Variants in SLC8A1 observed in about 807,000 individuals in gnomAD.
SLC8A1 encodes sodium/calcium exchanger 1.
In SLC8A1, 18 loss-of-function variants were observed where a neutral mutation model predicts 68.3. The ratio of observed to expected loss-of-function variants is 0.26; its 90% CI spans 0.18 to 0.39. SLC8A1 has a LOEUF of 0.39. Among genes scored for constraint, SLC8A1 ranks in the 10% least tolerant of loss-of-function variants. SLC8A1 has a pLI of 1.00. For missense variants in SLC8A1, 985 were observed against 1,156.7 expected (o/e 0.85, Z 2.15); for synonymous variants, 475 against 415.5 (o/e 1.14, Z -1.74).
chr2:40,178,530 G>A, intron 2 of SLC8A1, 37 bp from the exon 3 acceptor site: 2 of 1,535,864 alleles, frequency 1.3e-6, no homozygotes, highest in Non-Finnish European at 1.8e-6. Context: ...ACAAGGGGAA[G>A]AGGAAAGAGA....
intron 2 of SLC8A1, among the ~76,000 whole-genome samples, chr2:40,324,444 T>A (rs1276608696): frequency 1.3e-5 from 2 of 152,160 alleles, no homozygotes; most frequent in Admixed American, 1.3e-4. Context: ...GTTGTACACT[T>A]AAACAGGATC....
intron 1 of SLC8A1, among the ~76,000 whole-genome samples, chr2:40,504,695 C>T (rs1706258145): frequency 6.6e-6 from 1 of 151,950 alleles, no homozygotes; most frequent in African/African-American, 2.4e-5. Flanking sequence ...AAATGGTAAA[C>T]AAGCATATGA....
chr2:40,288,689 G>A (rs144169856), intron 2 of SLC8A1, among the ~76,000 whole-genome samples: 313 of 152,156 alleles, frequency 2.1e-3, no homozygotes, highest in Middle Eastern at 0.014. Flanking sequence ...GTATAGGCAA[G>A]TGCTACAAAT....
chr2:40,322,323 T>C (rs185617530), intron 2 of SLC8A1, among the ~76,000 whole-genome samples: 16 of 151,996 alleles, frequency 1.1e-4, no homozygotes, highest in Non-Finnish European at 1.6e-4. Flanking sequence ...AATCCATATA[T>C]AATTTTTGAA....
upstream of SLC8A1, among the ~76,000 whole-genome samples, chr2:40,455,706 G>A (rs1365594830): frequency 6.6e-6 from 1 of 152,202 alleles, no homozygotes; most frequent in East Asian, 1.9e-4. Context: ...CTTTGGGGAT[G>A]ACTTTGAGAA....
chr2:40,493,223 T>C (rs531108167), intron 1 of SLC8A1, among the ~76,000 whole-genome samples: 1 of 150,096 alleles, frequency 6.7e-6, no homozygotes, highest in East Asian at 1.9e-4. Context: ...GAAATCATCA[T>C]TCTCAGTAAA....
In SLC8A1 at chr2:40,400,185, C is replaced by G. The variant is rs143963858; in HGVS notation, c.1808+28288G>C. Among the ~76,000 whole-genome samples the G allele has an allele frequency of 4.0e-3, 606 of 152,248 alleles. 5 individuals carry two copies. The highest frequency in any genetic ancestry group is 0.014 in the African/African-American group (596 of 41,528). On this transcript the variant is annotated intron_variant, in intron 2 of 7. Coordinates refer to ENST00000406785, the Ensembl canonical transcript of SLC8A1. ...CTCGGCTCTTGAGACAGGAGTCTTGCCGATGCCCCCGGCCGAATAAACCCC... is the reference window on the plus strand; with the variant it reads ...CTCGGCTCTTGAGACAGGAGTCTTGGCGATGCCCCCGGCCGAATAAACCCC...
intron 1 of SLC8A1, among the ~76,000 whole-genome samples, chr2:40,438,647 T>C (rs1356853118): frequency 1.3e-5 from 2 of 152,162 alleles, no homozygotes; most frequent in Non-Finnish European, 2.9e-5. Flanking sequence ...GGCTAGAGAA[T>C]GTGACAGCAC....
intron 1 of SLC8A1, among the ~76,000 whole-genome samples, chr2:40,505,683 A>C (rs181938757): frequency 6.6e-6 from 1 of 152,062 alleles, no homozygotes; most frequent in East Asian, 1.9e-4. Flanking sequence ...CTCCCCAACA[A>C]AAACAACAAT....
At chr2:40,122,245 C>T (rs1352559436) in intron 7 of SLC8A1, among the ~76,000 whole-genome samples, 1 of 151,830 alleles carries the variant, frequency 6.6e-6, no homozygotes. Flanking sequence ...CGCACACACA[C>T]ACACACACTT....
chr2:40,223,301 G>A (rs1197234279), intron 2 of SLC8A1, among the ~76,000 whole-genome samples: 2 of 152,138 alleles, frequency 1.3e-5, no homozygotes, highest in Non-Finnish European at 2.9e-5. Context: ...TCACTCATAA[G>A]TGGGAGTTGA....
chr2:40,278,672 A>G (rs1235649137), intron 2 of SLC8A1, among the ~76,000 whole-genome samples: 1 of 151,944 alleles, frequency 6.6e-6, no homozygotes, highest in Non-Finnish European at 1.5e-5. Flanking sequence ...TCTCTCCTTC[A>G]TTTTCTCTTA....
At position 40,512,150 on chromosome 2, in the gene SLC8A1, G is replaced by A. The variant is rs75804387; in HGVS notation, c.-25+199C>T. Among the ~76,000 whole-genome samples the A allele has an allele frequency of 2.5e-3, 380 of 152,240 alleles. 2 individuals carry two copies. The highest frequency in any genetic ancestry group is 8.8e-3 in the African/African-American group (366 of 41,552). On this transcript the variant is annotated intron_variant, in intron 1 of 7. Transcript: ENST00000402441. ...AAATCTGTGTTGCCACTTTCCTTCC[G>A]TTGCAAAGCTTCCCTGTCTTGTGGA... is the stretch of plus-strand genomic sequence containing the variant.
intron 2 of SLC8A1, among the ~76,000 whole-genome samples, chr2:40,407,219 C>T (rs1690653705): frequency 6.6e-6 from 1 of 152,150 alleles, no homozygotes; most frequent in African/African-American, 2.4e-5. Context: ...GTGCCCACCA[C>T]CGGGCATGGC....
intron 2 of SLC8A1, among the ~76,000 whole-genome samples, chr2:40,324,508 C>T (rs563223874): frequency 7.9e-5 from 12 of 152,242 alleles, no homozygotes; most frequent in East Asian, 1.9e-4. Flanking sequence ...GTTATCACTA[C>T]GAAGGGAAAT....
At chr2:40,110,284 A>G (rs749455160) in exon 8 of SLC8A1, 1 of 152,290 alleles carries the variant, frequency 6.6e-6, no homozygotes, top group African/African-American at 2.4e-5. Context: ...TACCCTTCCT[A>G]TGCTGTCCTT....
chr2:40,399,433 G>C (rs1688012111), intron 2 of SLC8A1, among the ~76,000 whole-genome samples: 1 of 152,084 alleles, frequency 6.6e-6, no homozygotes, highest in African/African-American at 2.4e-5. Flanking sequence ...CCTTGCTGCA[G>C]CTTAGGCTAG....
intron 2 of SLC8A1, 107 bp downstream of exon 2, chr2:40,428,366 T>G: frequency 7.1e-7 from 1 of 1,413,306 alleles, no homozygotes. Context: ...TTCCATTCCT[T>G]GCATGCTATT....
chr2:40,419,927 C>T (rs758872937), intron 2 of SLC8A1, among the ~76,000 whole-genome samples: 8 of 151,970 alleles, frequency 5.3e-5, no homozygotes, highest in East Asian at 3.9e-4. Context: ...AATAATTTGC[C>T]GGCAAAAGGT....
Sources: gnomAD v4.1 joint callset for allele counts (sites outside exome capture counted in the v4.1 genomes callset) on GRCh38, gnomAD v4.1.1 for gene constraint, MANE v1.5 for transcripts, NCBI Gene and HGNC (gene_info 2026-07-23, HGNC 2026-07-21) for gene names.